Variants in ALMS1 observed in about 807,000 individuals in gnomAD.
ALMS1 encodes the protein centrosome-associated protein ALMS1.
In ALMS1, 271 loss-of-function variants were observed where a neutral mutation model predicts 352.2. The observed-to-expected ratio is 0.77, with a 90% CI of 0.70 to 0.85. The LOEUF (loss-of-function observed/expected upper bound fraction) is 0.85, where lower values mean the gene tolerates loss of function less well. Ranked by LOEUF, ALMS1 falls within the 40% of genes least tolerant of loss-of-function variation. ALMS1 has a pLI of 0.00. For missense variants in ALMS1, 5,445 were observed against 4,870.7 expected, an observed-to-expected ratio of 1.12 and a Z score of -3.51; for synonymous variants, 1,865 against 1,761.2, an observed-to-expected ratio of 1.06 and a Z score of -1.48.
chr2:73,527,308 T>C (rs964075773), intron 11 of ALMS1, among the ~76,000 whole-genome samples: 9 of 151,926 alleles, frequency 5.9e-5, no homozygotes, highest in African/African-American at 1.9e-4. Flanking sequence ...ATGTATTCTC[T>C]CCTCTTCCAT....
At chr2:73,600,913 G>C (rs766163641) in intron 18 of ALMS1, 32 bp downstream of exon 18, 2 of 1,599,688 alleles carry the variant, frequency 1.3e-6, no homozygotes. Context: ...TTGTAGTAGA[G>C]AAACTAGTGA....
chr2:73,550,296 C>G lies in ALMS1; in HGVS notation c.9937C>G (p.Pro3313Ala), dbSNP rs762967276. The change falls in exon 13 of 23, where the codon CCA becomes GCA. Residue 3313 changes from proline (P) to alanine (A), a missense_variant. Transcript: ENST00000613296. ...CAATGATGCCATTGCTCCAGACTTC[C>G]CAGCTCAGGTGCTAGGCACAAGAGA... Reference protein sequence around the residue: ...GSNDAIAPDFPAQVLGTRDDD... With the variant: ...GSNDAIAPDFAAQVLGTRDDD... The G allele has an allele frequency of 8.7e-6, 14 of 1,613,996 alleles. No homozygotes were observed. In the African/African-American group the frequency reaches 1.7e-4, roughly 20 times the overall value.
chr2:73,464,207 G>A (rs1292157271), intron 9 of ALMS1, among the ~76,000 whole-genome samples: 2 of 152,152 alleles, frequency 1.3e-5, no homozygotes, highest in Non-Finnish European at 2.9e-5. Flanking sequence ...TAAAATACTG[G>A]CAAACTGAAT....
At chr2:73,536,846 G>A (rs1204787965) in intron 12 of ALMS1, among the ~76,000 whole-genome samples, 3 of 152,174 alleles carry the variant, frequency 2.0e-5, no homozygotes, top group Admixed American at 6.5e-5. Context: ...AACCCAGGGA[G>A]TATTTATTCA....
intron 1 of ALMS1, among the ~76,000 whole-genome samples, chr2:73,394,174 G>A: frequency 6.6e-6 from 1 of 152,092 alleles, no homozygotes. Flanking sequence ...AAATGGGGGA[G>A]TTCTCCAACT....
At chr2:73,390,422 T>G (rs1164676943) in intron 1 of ALMS1, among the ~76,000 whole-genome samples, 1 of 152,244 alleles carries the variant, frequency 6.6e-6, no homozygotes, top group Non-Finnish European at 1.5e-5. Context: ...TTATTCAATT[T>G]ACTCTCATAT....
intron 12 of ALMS1, among the ~76,000 whole-genome samples, chr2:73,549,130 A>C (rs188945205): frequency 6.6e-6 from 1 of 152,354 alleles, no homozygotes; most frequent in Admixed American, 6.5e-5. Flanking sequence ...GGATCTTAGA[A>C]AAATCATCTC....
At chr2:73,534,540 C>A (rs190928122) in intron 11 of ALMS1, among the ~76,000 whole-genome samples, 3 of 152,142 alleles carry the variant, frequency 2.0e-5, no homozygotes, top group East Asian at 1.9e-4. Context: ...ACCCCAATTT[C>A]TCCTGTATTC....
Position 73,491,284 on chromosome 2 carries a change from C to G in ALMS1, c.9325C>G (p.Gln3109Glu), listed in dbSNP as rs1558667813. ...ATTATTGACCAGTAAACCTGTAGCA[C>G]AGGATCAAGAATCTTTAGGTTTTCT... Reference protein sequence around the residue: ...SKLLTSKPVAQDQESLGFLGP... With the variant: ...SKLLTSKPVAEDQESLGFLGP... Residue 3109 changes from glutamine (Q) to glutamate (E), a missense_variant, in exon 10 of 23, where the codon CAG (glutamine) becomes GAG (glutamate). By Grantham distance (29) the Gln-to-Glu change is conservative. Transcript: ENST00000613296. 6.2e-7 allele frequency: 1 copy of G among 1,614,164 alleles called. No homozygotes were observed. Among genetic ancestry groups the G allele is most frequent in the Non-Finnish European group, 8.5e-7 (1 of 1,180,008 alleles).
intron 7 of ALMS1, among the ~76,000 whole-genome samples, chr2:73,444,657 A>G (rs1259126694): frequency 6.6e-6 from 1 of 152,174 alleles, no homozygotes; most frequent in East Asian, 1.9e-4. Flanking sequence ...TTGATTTTGT[A>G]TTGCAAGTTA....
At chr2:73,425,870 C>T (rs1201926775) in intron 5 of ALMS1, among the ~76,000 whole-genome samples, 1 of 152,060 alleles carries the variant, frequency 6.6e-6, no homozygotes, top group Non-Finnish European at 1.5e-5. Flanking sequence ...TTAAAATTAC[C>T]CCCTAATGCT....
At chr2:73,544,688 G>C (rs542989392) in intron 12 of ALMS1, among the ~76,000 whole-genome samples, 3 of 152,076 alleles carry the variant, frequency 2.0e-5, no homozygotes, top group African/African-American at 7.2e-5. Context: ...GTATGATCCA[G>C]TAATTCCACT....
chr2:73,387,302 C>T (rs1359933639), intron 1 of ALMS1, among the ~76,000 whole-genome samples: 1 of 152,204 alleles, frequency 6.6e-6, no homozygotes, highest in Non-Finnish European at 1.5e-5. Flanking sequence ...TCTCTGCCTT[C>T]CTTGTGTTCA....
intron 12 of ALMS1, among the ~76,000 whole-genome samples, chr2:73,538,426 G>A (rs1247731472): frequency 2.0e-5 from 3 of 152,120 alleles, no homozygotes; most frequent in Non-Finnish European, 2.9e-5. Context: ...GGCCGAATAG[G>A]AAGAGCTCCA....
In ALMS1 at chr2:73,461,620, A is replaced by C. The variant is rs542796354; in HGVS notation, c.7674+6325A>C. 3.3e-5 allele frequency among the ~76,000 whole-genome samples: 5 copies of C among 152,336 alleles called. No individual in the cohort carries two copies. The East Asian group carries it at 9.6e-4, about 29-fold the overall frequency. Reference sequence around the variant, plus strand: ...AGCTGGATGGACAATGACTTTGAAGAGTTGAGAGAAGAAGGCTTCAGATGA... The same window carrying C: ...AGCTGGATGGACAATGACTTTGAAGCGTTGAGAGAAGAAGGCTTCAGATGA... On this transcript the variant is annotated intron_variant, in intron 9 of 22. Coordinates refer to ENST00000613296, the MANE Select transcript of ALMS1 (RefSeq NM_001378454.1).
chr2:73,466,690 A>T (rs886112084), intron 9 of ALMS1, among the ~76,000 whole-genome samples: 1 of 152,172 alleles, frequency 6.6e-6, no homozygotes, highest in African/African-American at 2.4e-5. Context: ...CTAAACGGAA[A>T]TAATCTAATA....
At position 73,541,348 on chromosome 2, in the gene ALMS1, C is replaced by G. The variant is rs1006203121; in HGVS notation, c.9907+6399C>G. ...GTGAGAACAAAGATACAACATACCA[C>G]AATCTCTGGAACACATTCAAAGCAG... is the stretch of plus-strand genomic sequence containing the variant. On this transcript the variant is annotated intron_variant, in intron 12 of 22. Coordinates refer to ENST00000613296, the MANE Select transcript of ALMS1 (RefSeq NM_001378454.1). 3.3e-5 allele frequency among the ~76,000 whole-genome samples: 5 copies of G among 152,258 alleles called. No individual in the cohort carries two copies. In the East Asian group the frequency reaches 9.6e-4, roughly 29 times the overall value.
intron 9 of ALMS1, among the ~76,000 whole-genome samples, chr2:73,471,763 G>C (rs572181215): frequency 6.6e-6 from 1 of 152,050 alleles, no homozygotes; most frequent in Admixed American, 6.6e-5. Context: ...GTACACTGTA[G>C]ATGGTCATGT....
chr2:73,452,882 C>A lies in ALMS1; in HGVS notation c.6355C>A (p.Leu2119Met). The A allele has an allele frequency of 6.2e-7, 1 of 1,613,826 alleles. No homozygotes were observed. The highest frequency in any genetic ancestry group is 8.5e-7 in the Non-Finnish European group (1 of 1,179,942). Reference sequence around the variant, plus strand: ...AGGTAGTCATGTAACTGAAGATGTGCTGAAGGTTTCAACAATTCCTGGACC... The same window carrying A: ...AGGTAGTCATGTAACTGAAGATGTGATGAAGGTTTCAACAATTCCTGGACC... ...LPGSHVTEDV[L>M]KVSTIPGPAG... Residue 2119 changes from leucine (L) to methionine (M), a missense_variant, in exon 8 of 23, where the codon CTG (leucine) becomes ATG (methionine). Physicochemically the swap from Leu to Met is conservative, Grantham distance 15 (BLOSUM62 2). Transcript: ENST00000613296.
Sources: allele counts gnomAD v4.1 joint callset (sites outside exome capture counted in the v4.1 genomes callset), GRCh38; gene constraint gnomAD v4.1.1; transcripts MANE v1.5; gene names NCBI Gene and HGNC (gene_info 2026-07-23, HGNC 2026-07-21).